MYO15A: variants seen among roughly 807,000 people sequenced by gnomAD.
The protein encoded by MYO15A is myosin XVA, also known as unconventional myosin-XV.
MYO15A carries 308 observed loss-of-function variants against 394.6 expected under a neutral mutation model. That is an observed-to-expected ratio of 0.78 (90% confidence interval 0.71 to 0.86). MYO15A has a LOEUF of 0.86. Among genes scored for constraint, MYO15A ranks in the 40% least tolerant of loss-of-function variants. The pLI is 0.00. For missense variants in MYO15A, 4,606 were observed against 4,799.1 expected (o/e 0.96, Z 1.19); for synonymous variants, 1,957 against 2,003.8 (o/e 0.98, Z 0.62).
At chr17:18,169,115 AAATAATAAT>A (rs368379543) in intron 62 of MYO15A, among the ~76,000 whole-genome samples, 39,000 of 128,240 alleles carry the variant, frequency 0.3, 6,052 homozygotes, top group Non-Finnish European at 0.35. Flanking sequence ...CTCCATCTCA[AAATAATAAT>A]AATAATAATA....
intron 58 of MYO15A, 103 bp from the exon 59 acceptor site, chr17:18,163,141 C>T (rs753634730): frequency 7.9e-5 from 101 of 1,273,476 alleles, no homozygotes; most frequent in Middle Eastern, 4.5e-4. Context: ...CTACACGTGC[C>T]AGCCCAGGAT....
At chr17:18,124,632 C>A in intron 3 of MYO15A, 67 bp downstream of exon 3, 1 of 1,494,074 alleles carries the variant, frequency 6.7e-7, no homozygotes, top group Non-Finnish European at 9.2e-7. Flanking sequence ...CCAGCCAGAG[C>A]AGCTCCTCCT....
At chr17:18,157,310 T>C (rs2142387445) in intron 50 of MYO15A, 80 bp downstream of exon 50, 1 of 1,537,420 alleles carries the variant, frequency 6.5e-7, no homozygotes, top group Non-Finnish European at 8.8e-7. Context: ...ACAGTGAGGG[T>C]TTCTTGGTGC....
rs75611660 is a variant in MYO15A, at chr17:18,157,162, G to C, written c.8720G>C (p.Ser2907Thr). The C allele has an allele frequency of 1.9e-6, 3 of 1,611,000 alleles. No individual in the cohort carries two copies. In the East Asian group the frequency reaches 6.7e-5, roughly 36 times the overall value. ...ACCCGAGCCTGGCCCATAGGCTACA[G>C]TGCTGGCTGCGTGGTTCGCAGGAAG... ...QPLEPPRVGYSAGCVVRRKVV... is the reference protein window; with the variant it reads ...QPLEPPRVGYTAGCVVRRKVV... Residue 2907 changes from serine (S) to threonine (T), a missense_variant, in exon 50 of 66, where the codon AGT becomes ACT. Physicochemically the swap from Ser to Thr is moderately conservative, Grantham distance 58. Around this residue, in one of 2 missense-constraint regions of MYO15A, gnomAD observed 2,776 missense variants for 3,109.3 expected, o/e 0.89. Transcript: ENST00000647165.
intron 17 of MYO15A, 144 bp downstream of exon 17, chr17:18,138,390 A>G: frequency 1.1e-5 from 12 of 1,064,520 alleles, no homozygotes; most frequent in Non-Finnish European, 1.7e-5. Context: ...ACTATTCACA[A>G]CCTGGGGTGA....
In MYO15A at chr17:18,120,679, G is replaced by A. The variant is rs1187589732; in HGVS notation, c.1879G>A (p.Val627Met). Residue 627 changes from valine to methionine, a missense_variant, in exon 2 of 66, where the codon GTG becomes ATG. This residue lies in a region of MYO15A where 1,830 missense variants were observed against 1,689.7 expected (regional missense o/e 1.08). Coordinates refer to ENST00000647165, the MANE Select transcript of MYO15A (RefSeq NM_016239.4). Reference sequence around the variant, plus strand: ...CCCCGAGAAGCCCGGCACGCCCATCGTGCTGAGGAGGGCCCAGCCACGCGC... The same window carrying A: ...CCCCGAGAAGCCCGGCACGCCCATCATGCTGAGGAGGGCCCAGCCACGCGC... ...MDPEKPGTPI[V>M]LRRAQPRARS... 3 of 1,577,242 alleles carry A rather than the reference G, an allele frequency of 1.9e-6. No homozygotes were observed. Among genetic ancestry groups the A allele is most frequent in the Admixed American group, 1.8e-5 (1 of 56,912 alleles).
chr17:18,120,921 A>C lies in MYO15A; in HGVS notation c.2121A>C (p.Pro707=), dbSNP rs2142252370. The stretch of plus-strand genomic sequence containing the variant: ...GCCACCCGCCGCCCTGGGCCGCCCC[A>C]GCGCACGTGCCACCGGCGCCGCAGG... The part of the protein sequence containing the change: ...LRRHPPPWAA[P]AHVPPAPQAS... The change falls in exon 2 of 66, where the codon CCA becomes CCC. Residue 707 remains proline (P), a synonymous_variant. Transcript: ENST00000647165. 6.9e-7 allele frequency: 1 copy of C among 1,458,120 alleles called. No individual in the cohort carries two copies. Among genetic ancestry groups the C allele is most frequent in the Non-Finnish European group, 9.0e-7 (1 of 1,110,508 alleles). The allele number at this position is 1,458,120 out of a possible 1,614,324, so 90.3% of individuals were successfully genotyped here.
In MYO15A at chr17:18,153,862, A is replaced by G. The variant is rs965967475; in HGVS notation, c.8054A>G (p.Gln2685Arg). Reference protein sequence around the residue: ...RLINPNFYGYQDAPWKIFLRK... With the variant: ...RLINPNFYGYRDAPWKIFLRK... ...ATCAATCCCAACTTCTACGGCTATC[A>G]GGACGCCCCCTGGAAGATCTTCCTG... is the stretch of plus-strand genomic sequence containing the variant. Residue 2685 changes from glutamine to arginine, a missense_variant, in exon 43 of 66, where the codon CAG becomes CGG. Coordinates refer to ENST00000647165, the MANE Select transcript of MYO15A (RefSeq NM_016239.4). This position sits in a 1 kb window ranked among gnomAD's most constrained non-coding sequence, Gnocchi z 4.1. The G allele has an allele frequency of 3.7e-6, 6 of 1,613,646 alleles. No individual in the cohort carries two copies. The highest frequency in any genetic ancestry group is 5.1e-6 in the Non-Finnish European group (6 of 1,179,988).
chr17:18,133,117 T>A, intron 11 of MYO15A, 108 bp from the exon 12 acceptor site: 3 of 1,159,630 alleles, frequency 2.6e-6, no homozygotes, highest in Non-Finnish European at 3.8e-6. Flanking sequence ...AATGACAGCT[T>A]GAGTGACCAA....
At chr17:18,163,175 G>A (rs2046801015) in intron 58 of MYO15A, 69 bp from the exon 59 acceptor site, 5 of 1,524,802 alleles carry the variant, frequency 3.3e-6, no homozygotes, top group Non-Finnish European at 3.6e-6. Flanking sequence ...AACTCCCAGG[G>A]CAGGAGACAA....
chr17:18,138,692 G>A (rs1276422216), intron 17 of MYO15A, 119 bp from the exon 18 acceptor site: 1 of 1,391,824 alleles, frequency 7.2e-7, no homozygotes, highest in Non-Finnish European at 9.9e-7. Flanking sequence ...ATGGGAAGCT[G>A]TGAGTTGTTC....
At chr17:18,161,003 C>T (rs2046766251) in intron 56 of MYO15A, 1 of 476,086 alleles carries the variant, frequency 2.1e-6, no homozygotes, top group Non-Finnish European at 3.9e-6. Flanking sequence ...GCAGCTTCCC[C>T]TTTTCCCAGA....
chr17:18,173,456 G>A (rs1282260993), intron 64 of MYO15A: 1 of 377,030 alleles, frequency 2.7e-6, no homozygotes, highest in Non-Finnish European at 5.1e-6. Flanking sequence ...AAGAGGTGGA[G>A]GTGTTCACAA....
At chr17:18,127,540 C>T (rs1473558807) in intron 7 of MYO15A, among the ~76,000 whole-genome samples, 1 of 152,112 alleles carries the variant, frequency 6.6e-6, no homozygotes, top group African/African-American at 2.4e-5. Context: ...GCTATGCAGC[C>T]CCCAGCGGTC....
chr17:18,132,857 C>T lies in MYO15A; in HGVS notation c.4320+291C>T, dbSNP rs993077241. 1.3e-5 allele frequency among the ~76,000 whole-genome samples: 2 copies of T among 152,242 alleles called. No individual in the cohort carries two copies. The highest frequency in any genetic ancestry group is 4.8e-5 in the African/African-American group (2 of 41,466). On this transcript the variant is annotated intron_variant, in intron 11 of 65. Coordinates refer to ENST00000647165, the MANE Select transcript of MYO15A (RefSeq NM_016239.4). The surrounding 1 kb of genome is among the most constrained non-coding windows in gnomAD (Gnocchi z 4.6). The stretch of plus-strand genomic sequence containing the variant: ...CCTCTCTGTGCCTCAGTTTCCTCAC[C>T]TGTAAAATGGGGACAACATAGTACC...
rs1359137743 is a variant in MYO15A at position 18,157,808 on chromosome 17, C to T, written c.8875C>T (p.Leu2959=). The T allele has an allele frequency of 6.2e-7, 1 of 1,602,242 alleles. No individual in the cohort carries two copies. The highest frequency in any genetic ancestry group is 1.3e-5 in the African/African-American group (1 of 74,994). ...QPAAAPDFLQ[L]PTEPGRGRAA... ...CGCTGCTGCCCCCGACTTCCTGCAG[C>T]TGCCAACGGAGCCAGGCCGCGGCCG... is the stretch of plus-strand genomic sequence containing the variant. The change falls in exon 51 of 66, where the codon CTG becomes TTG. Residue 2959 remains leucine, a synonymous_variant. Coordinates refer to ENST00000647165, the MANE Select transcript of MYO15A (RefSeq NM_016239.4).
chr17:18,126,313 A>T (rs1297264940), intron 4 of MYO15A, 34 bp from the exon 5 acceptor site: 1 of 1,569,054 alleles, frequency 6.4e-7, no homozygotes, highest in Admixed American at 1.7e-5. Context: ...GTCTGCAAGG[A>T]GCCACGACGC....
Position 18,148,392 on chromosome 17 carries a change from G to A in MYO15A, c.6692-104G>A. The A allele has an allele frequency of 6.8e-7, 1 of 1,478,344 alleles. No homozygotes were observed. Among genetic ancestry groups the A allele is most frequent in the Non-Finnish European group, 9.2e-7 (1 of 1,084,780 alleles). 91.6% of individuals were successfully genotyped at this position (1,478,344 alleles called of 1,614,324 possible). A position where few individuals can be genotyped will look rare whatever the true frequency, so the allele number is the denominator to read the frequency against. ...CCCAGGAAAGGGGAGCCAGGGAAGT[G>A]AGGCTACAGATACAGGAAGCCTGAA... On this transcript the variant is annotated intron_variant, in intron 31 of 65. Coordinates refer to ENST00000647165, the MANE Select transcript of MYO15A (RefSeq NM_016239.4). The surrounding 1 kb of genome is among the most constrained non-coding windows in gnomAD (Gnocchi z 4.8).
At chr17:18,112,369 T>C (rs892289339) in intron 1 of MYO15A, among the ~76,000 whole-genome samples, 13 of 151,418 alleles carry the variant, frequency 8.6e-5, no homozygotes, top group Non-Finnish European at 1.5e-4. Flanking sequence ...CTCCAATCCC[T>C]TTTTTTTTCC....
Sources: allele counts gnomAD v4.1 joint callset (sites outside exome capture counted in the v4.1 genomes callset), GRCh38; gene constraint gnomAD v4.1.1; regional missense constraint gnomAD v4.1.1; non-coding constraint Gnocchi (gnomAD v3.1); transcripts MANE v1.5; gene names NCBI Gene and HGNC (gene_info 2026-07-23, HGNC 2026-07-21).